Variants in ZNF678 observed in about 807,000 individuals in gnomAD.
ZNF678 encodes the protein zinc finger protein 678.
A neutral mutation model predicts 3.0 loss-of-function variants in ZNF678; 5 were observed. That is an observed-to-expected ratio of 1.69 (90% CI 0.88 to 3.56). The LOEUF is 3.56. ZNF678 is among the 30% of genes most tolerant of loss of function. ZNF678 has a pLI of 0.00. For missense variants in ZNF678, 593 were observed against 605.0 expected (o/e 0.98, Z 0.21); for synonymous variants, 218 against 199.6 (o/e 1.09, Z -0.78).
chr1:227,650,214 C>T (rs1301408837), intron 2 of ZNF678, among the ~76,000 whole-genome samples: 1 of 152,130 alleles, frequency 6.6e-6, no homozygotes, highest in African/African-American at 2.4e-5. Context: ...TGTCTAATTT[C>T]ACTTGCATGT....
At chr1:227,637,249 T>C (rs1658700778) in intron 1 of ZNF678, among the ~76,000 whole-genome samples, 1 of 152,198 alleles carries the variant, frequency 6.6e-6, no homozygotes, top group Admixed American at 6.5e-5. Context: ...CATGGCTGTG[T>C]TTAGACGGGA....
At chr1:227,666,722 T>C (rs1270176176), downstream of ZNF678, among the ~76,000 whole-genome samples, 1 of 151,360 alleles carries the variant, frequency 6.6e-6, no homozygotes, top group African/African-American at 2.4e-5. Context: ...CTCTCCTTTT[T>C]CTTTTCTTTT....
chr1:227,653,663 A>G (rs1046851648), intron 3 of ZNF678, among the ~76,000 whole-genome samples: 14 of 152,042 alleles, frequency 9.2e-5, no homozygotes, highest in African/African-American at 3.4e-4. Context: ...TAGCCTCTCA[A>G]ACCTCTTCTT....
At chr1:227,563,834 G>C in intron 1 of ZNF678, 110 bp downstream of exon 1, 1 of 1,056,350 alleles carries the variant, frequency 9.5e-7, no homozygotes, top group Non-Finnish European at 1.3e-6. Context: ...TGTCACCTCT[G>C]GGTAGGGGCG....
At chr1:227,637,334 G>T (rs1017346631) in intron 1 of ZNF678, among the ~76,000 whole-genome samples, 2 of 152,194 alleles carry the variant, frequency 1.3e-5, no homozygotes, top group East Asian at 3.9e-4. Flanking sequence ...GCAGAGATGA[G>T]ACTTAGTACA....
rs1203785852 is a variant in ZNF678, at chr1:227,654,611, GGA to G, written c.366_367del (p.Lys123AlafsTer5). The G allele has an allele frequency of 6.2e-7, 1 of 1,613,060 alleles. No homozygotes were observed. The highest frequency in any genetic ancestry group is 1.1e-5 in the South Asian group (1 of 91,050). On this transcript the variant is annotated frameshift_variant, in exon 4 of 4. Coordinates refer to ENST00000343776, the MANE Select transcript of ZNF678 (RefSeq NM_001367909.1). LOFTEE classifies it low-confidence loss of function (END_TRUNC). Reference protein sequence around the residue: ...ILTEHKRIHTGEKPYKCEECG... With the variant: ...ILTEHKRIHTXEKPYKCEECG... ...TACTGAACATAAGAGAATTCATACT[GGA>G]GAGAAGCCATACAAATGTGAAGAAT...
At chr1:227,599,293 G>A (rs1657674142) in intron 1 of ZNF678, among the ~76,000 whole-genome samples, 1 of 152,162 alleles carries the variant, frequency 6.6e-6, no homozygotes, top group South Asian at 2.1e-4. Context: ...CCACGCGGTT[G>A]TCCCACTTCC....
At chr1:227,589,423 T>G (rs1308130655) in intron 1 of ZNF678, among the ~76,000 whole-genome samples, 1 of 151,676 alleles carries the variant, frequency 6.6e-6, no homozygotes, top group African/African-American at 2.4e-5. Context: ...ATTGCTTGAT[T>G]TTGTTAGGTT....
chr1:227,582,559 C>A, intron 1 of ZNF678: 1 of 241,012 alleles, frequency 4.1e-6, no homozygotes, highest in Non-Finnish European at 8.7e-6. Flanking sequence ...GAACTCCTTC[C>A]CTCAAGTGAT....
intron 5 of ZNF678, among the ~76,000 whole-genome samples, chr1:227,669,838 T>C (rs774519635): frequency 6.6e-6 from 1 of 152,158 alleles, no homozygotes; most frequent in Non-Finnish European, 1.5e-5. Context: ...GACCCAGCAA[T>C]TCCATAACTG....
chr1:227,579,216 A>G (rs1269311752), intron 1 of ZNF678, among the ~76,000 whole-genome samples: 1 of 152,050 alleles, frequency 6.6e-6, no homozygotes, highest in Non-Finnish European at 1.5e-5. Flanking sequence ...GGTGAAGGCA[A>G]TACAGCTGGG....
intron 1 of ZNF678, among the ~76,000 whole-genome samples, chr1:227,608,053 T>TA (rs1011009109): frequency 6.6e-5 from 10 of 151,194 alleles, no homozygotes; most frequent in Admixed American, 1.3e-4. Flanking sequence ...TTTGATTACT[T>TA]AAAAAAAAAT....
chr1:227,579,462 G>C (rs1657067213), intron 1 of ZNF678, among the ~76,000 whole-genome samples: 1 of 152,118 alleles, frequency 6.6e-6, no homozygotes, highest in African/African-American at 2.4e-5. Context: ...TGCCAAGGCT[G>C]AATCTGCAAT....
chr1:227,644,144 C>T (rs945548743), intron 1 of ZNF678, among the ~76,000 whole-genome samples: 8 of 151,986 alleles, frequency 5.3e-5, no homozygotes, highest in African/African-American at 1.4e-4. Context: ...GGATTACAGG[C>T]GTGAGCCACC....
rs114678053 is a variant in ZNF678, at chr1:227,616,397, T to A, written c.-163-30147T>A. On this transcript the variant is annotated intron_variant, in intron 1 of 3. Coordinates refer to ENST00000343776, the MANE Select transcript of ZNF678 (RefSeq NM_001367909.1). The stretch of plus-strand genomic sequence containing the variant: ...GCCCATTCCCGACATTCCCTGATAC[T>A]GTCCCAGTGCTGTTTCTCAGTAATT... Among the ~76,000 whole-genome samples the A allele has an allele frequency of 4.2e-3, 645 of 152,346 alleles. 4 individuals carry two copies. The highest frequency in any genetic ancestry group is 0.014 in the African/African-American group (596 of 41,572).
At chr1:227,628,326 T>C (rs1658467796) in intron 1 of ZNF678, among the ~76,000 whole-genome samples, 1 of 152,210 alleles carries the variant, frequency 6.6e-6, no homozygotes, top group Non-Finnish European at 1.5e-5. Flanking sequence ...AGAAAAGTCT[T>C]GCTCCATTGG....
chr1:227,575,860 G>A (rs983553700), intron 1 of ZNF678, among the ~76,000 whole-genome samples: 8 of 152,162 alleles, frequency 5.3e-5, no homozygotes, highest in Non-Finnish European at 1.2e-4. Flanking sequence ...TGCCCATTCA[G>A]TATGATATTG....
chr1:227,620,137 C>T (rs1658244338), intron 1 of ZNF678, among the ~76,000 whole-genome samples: 1 of 152,192 alleles, frequency 6.6e-6, no homozygotes, highest in East Asian at 1.9e-4. Context: ...TCTCATGTTT[C>T]TCTCATTCAG....
chr1:227,673,215 A>T (rs1659630251), intron 5 of ZNF678, among the ~76,000 whole-genome samples: 1 of 152,138 alleles, frequency 6.6e-6, no homozygotes, highest in South Asian at 2.1e-4. Flanking sequence ...TGGGTTTTCA[A>T]CAATCCCATA....
Sources: allele counts gnomAD v4.1 joint callset (sites outside exome capture counted in the v4.1 genomes callset), GRCh38; gene constraint gnomAD v4.1.1; transcripts MANE v1.5; gene names NCBI Gene and HGNC (gene_info 2026-07-23, HGNC 2026-07-21).